The following SPATA31H1 variants were observed in gnomAD, a reference collection of about 807,000 sequenced individuals.
SPATA31H1 encodes spermatogenesis-associated protein 31H1.
At chr2:27,551,459 A>G in the SPATA31H1 span, among the ~76,000 whole-genome samples, 1 of 152,062 alleles carries the variant, frequency 6.6e-6, no homozygotes, top group Non-Finnish European at 1.5e-5. Context: ...ATTCTTTATT[A>G]TAACAAACAC....
the SPATA31H1 span, among the ~76,000 whole-genome samples, chr2:27,538,536 GAA>G: frequency 6.6e-6 from 1 of 152,092 alleles, no homozygotes; most frequent in Non-Finnish European, 1.5e-5. Flanking sequence ...GTGGCACGGT[GAA>G]AAAGAGAACG....
At chr2:27,555,177 T>C in the SPATA31H1 span, among the ~76,000 whole-genome samples, 1 of 152,022 alleles carries the variant, frequency 6.6e-6, no homozygotes, top group Non-Finnish European at 1.5e-5. Context: ...ATGTTATTAA[T>C]GTGGTATATT....
At chr2:27,540,610 G>C in the SPATA31H1 span, among the ~76,000 whole-genome samples, 3 of 143,668 alleles carry the variant, frequency 2.1e-5, no homozygotes, top group Admixed American at 2.0e-4. Context: ...CTGCCGGACG[G>C]AGGGGCTCCT....
chr2:27,549,493 A>C, the SPATA31H1 span, among the ~76,000 whole-genome samples: 1 of 151,714 alleles, frequency 6.6e-6, no homozygotes, highest in Non-Finnish European at 1.5e-5. Context: ...ATGTGTCACC[A>C]TACCTGGCTA....
the SPATA31H1 span, among the ~76,000 whole-genome samples, chr2:27,556,204 TTTTC>T: frequency 6.6e-6 from 1 of 151,188 alleles, no homozygotes; most frequent in Non-Finnish European, 1.5e-5. Flanking sequence ...TAAGTTTAGG[TTTTC>T]TTTGTCTTCA....
the SPATA31H1 span, among the ~76,000 whole-genome samples, chr2:27,547,658 G>A: frequency 2.0e-5 from 3 of 152,022 alleles, no homozygotes; most frequent in African/African-American, 7.3e-5. Context: ...TGATCTATGA[G>A]TGTGTTCATG....
the SPATA31H1 span, among the ~76,000 whole-genome samples, chr2:27,545,583 T>TC: frequency 6.6e-6 from 1 of 150,992 alleles, no homozygotes; most frequent in South Asian, 2.1e-4. Context: ...CTTTTTCTTT[T>TC]TTTTTTTTTT....
the SPATA31H1 span, chr2:27,570,684 G>C: frequency 2.5e-6 from 1 of 398,854 alleles, no homozygotes; most frequent in South Asian, 1.3e-4. Context: ...AAAAGTTTTA[G>C]AGATGACCCC....
the SPATA31H1 span, chr2:27,576,518 A>G: frequency 2.5e-5 from 34 of 1,365,288 alleles, no homozygotes; most frequent in African/African-American, 2.3e-4. Flanking sequence ...TTGGGTCACA[A>G]TGCGTTAAAT....
the SPATA31H1 span, among the ~76,000 whole-genome samples, chr2:27,547,654 A>G: frequency 5.3e-5 from 8 of 152,158 alleles, no homozygotes; most frequent in African/African-American, 1.9e-4. Context: ...CTTCTGATCT[A>G]TGAGTGTGTT....
At chr2:27,574,071 A>G in the SPATA31H1 span, 2 of 398,394 alleles carry the variant, frequency 5.0e-6, no homozygotes, top group Admixed American at 8.8e-5. Flanking sequence ...TTTGACCACA[A>G]GGACCAAGAT....
the SPATA31H1 span, chr2:27,579,684 T>A: frequency 1.9e-5 from 31 of 1,614,070 alleles, no homozygotes; most frequent in Admixed American, 5.0e-5. Flanking sequence ...CAGCATATTT[T>A]ACGATAGAGA....
chr2:27,580,003 T>C, the SPATA31H1 span: 2 of 1,614,206 alleles, frequency 1.2e-6, no homozygotes, highest in Non-Finnish European at 1.7e-6. Context: ...GGGCCTTATC[T>C]TCTTATCTAT....
At chr2:27,580,849 A>T in the SPATA31H1 span, 9 of 1,614,070 alleles carry the variant, frequency 5.6e-6, no homozygotes, top group Admixed American at 1.3e-4. Context: ...AAGCAGGAGG[A>T]CATATTGTGG....
chr2:27,571,613 G>A, the SPATA31H1 span: 1 of 398,488 alleles, frequency 2.5e-6, no homozygotes, highest in South Asian at 1.3e-4. Context: ...CAGGGCCATT[G>A]CTTCAAGGGG....
At chr2:27,548,026 G>T in the SPATA31H1 span, among the ~76,000 whole-genome samples, 8 of 133,876 alleles carry the variant, frequency 6.0e-5, no homozygotes, top group East Asian at 1.9e-3. Flanking sequence ...CTGTCACCCA[G>T]GCTGGAGTGT....
the SPATA31H1 span, among the ~76,000 whole-genome samples, chr2:27,559,230 C>A: frequency 6.6e-6 from 1 of 152,126 alleles, no homozygotes; most frequent in Admixed American, 6.5e-5. Flanking sequence ...CATCTCAATC[C>A]AATAAAGGAT....
chr2:27,544,529 A>ATTTTTTTTTTTT, the SPATA31H1 span, among the ~76,000 whole-genome samples: 1 of 125,122 alleles, frequency 8.0e-6, no homozygotes. Flanking sequence ...GTTGACAACA[A>ATTTTTTTTTTTT]TTTTTTTTTT....
chr2:27,580,067 T>C, the SPATA31H1 span: 8 of 1,614,034 alleles, frequency 5.0e-6, no homozygotes, highest in African/African-American at 9.3e-5. Flanking sequence ...TTCGGTTGCA[T>C]CTTGGCTTTA....
Sources: gnomAD v4.1 joint callset for allele counts (sites outside exome capture counted in the v4.1 genomes callset) on GRCh38, gnomAD v4.1.1 for gene constraint, MANE v1.5 for transcripts, NCBI Gene and HGNC (gene_info 2026-07-23, HGNC 2026-07-21) for gene names.